Variants in LRMDA observed in about 807,000 individuals in gnomAD.
The protein encoded by LRMDA is leucine-rich melanocyte differentiation-associated protein.
A neutral mutation model predicts 29.8 loss-of-function variants in LRMDA; 18 were observed. The ratio of observed to expected loss-of-function variants is 0.60; its 90% CI spans 0.42 to 0.90. The LOEUF (loss-of-function observed/expected upper bound fraction) is 0.90, where lower values mean the gene tolerates loss of function less well. Among genes scored for constraint, LRMDA ranks in the 40% least tolerant of loss-of-function variants. The pLI is 0.00. For synonymous variants in LRMDA, 125 were observed against 109.4 expected, an observed-to-expected ratio of 1.14 and a Z score of -0.89; for missense variants, 273 against 273.9, an observed-to-expected ratio of 1.00 and a Z score of 0.02.
In LRMDA at chr10:76,245,631, T is replaced by C. The variant is rs574756730; in HGVS notation, c.517-78770T>C. On this transcript the variant is annotated intron_variant, in intron 5 of 6. Coordinates refer to ENST00000611255, the MANE Select transcript of LRMDA (RefSeq NM_001305581.2). ...ACCCACATTTTATACATTATAAACC[T>C]GAGGCTTGGAGGTGTTAGGTAAGTT... 5.3e-5 allele frequency among the ~76,000 whole-genome samples: 8 copies of C among 152,338 alleles called. No individual in the cohort carries two copies. In the South Asian group the frequency reaches 1.7e-3, roughly 32 times the overall value.
At chr10:75,912,030 G>A (rs12267151) in intron 2 of LRMDA, among the ~76,000 whole-genome samples, 16,262 of 152,144 alleles carry the variant, frequency 0.11, 985 homozygotes, top group East Asian at 0.24. Context: ...GCAGGAGTTG[G>A]TGGATTAAAA....
intron 6 of LRMDA, among the ~76,000 whole-genome samples, chr10:76,400,532 A>G (rs1417018129): frequency 6.6e-6 from 1 of 152,232 alleles, no homozygotes; most frequent in Non-Finnish European, 1.5e-5. Context: ...CAGTGTCTTC[A>G]TGATTCTTTG....
intron 5 of LRMDA, among the ~76,000 whole-genome samples, chr10:76,135,732 C>G (rs1447228340): frequency 1.3e-5 from 2 of 151,846 alleles, no homozygotes; most frequent in Non-Finnish European, 2.9e-5. Flanking sequence ...ACCTTGTCTT[C>G]CCTCTATGGA....
At chr10:76,186,228 G>C (rs1589367993) in intron 5 of LRMDA, among the ~76,000 whole-genome samples, 1 of 152,192 alleles carries the variant, frequency 6.6e-6, no homozygotes, top group African/African-American at 2.4e-5. Context: ...CAGATGGGCG[G>C]CCTGGAAGGC....
At chr10:75,855,271 G>A (rs1372078465) in intron 2 of LRMDA, among the ~76,000 whole-genome samples, 1 of 152,112 alleles carries the variant, frequency 6.6e-6, no homozygotes, top group African/African-American at 2.4e-5. Flanking sequence ...GAACTGGTGT[G>A]AGATGGTATC....
At chr10:75,844,675 C>T (rs75424700) in intron 2 of LRMDA, among the ~76,000 whole-genome samples, 4,950 of 152,284 alleles carry the variant, frequency 0.033, 100 homozygotes, top group Non-Finnish European at 0.051. Flanking sequence ...CCCCTTAGGT[C>T]GCACTACTCT....
intron 2 of LRMDA, among the ~76,000 whole-genome samples, chr10:75,483,399 C>G (rs1436636345): frequency 6.6e-6 from 1 of 152,036 alleles, no homozygotes; most frequent in Non-Finnish European, 1.5e-5. Flanking sequence ...GCTGAGTTGA[C>G]AAAAATACCC....
intron 6 of LRMDA, among the ~76,000 whole-genome samples, chr10:76,460,086 T>A (rs1045534810): frequency 2.0e-5 from 3 of 152,176 alleles, no homozygotes; most frequent in African/African-American, 7.2e-5. Context: ...TCATAATGTG[T>A]CCCCTATTTA....
At chr10:75,876,049 T>C (rs1297734046) in intron 2 of LRMDA, among the ~76,000 whole-genome samples, 2 of 151,982 alleles carry the variant, frequency 1.3e-5, no homozygotes, top group Non-Finnish European at 2.9e-5. Context: ...AGATCAGTGA[T>C]TGGACCCTGG....
At chr10:75,762,906 G>A (rs1324633443) in intron 2 of LRMDA, among the ~76,000 whole-genome samples, 1 of 152,108 alleles carries the variant, frequency 6.6e-6, no homozygotes, top group Non-Finnish European at 1.5e-5. Context: ...TGCCAGTGGG[G>A]CACCATTTTA....
intron 5 of LRMDA, among the ~76,000 whole-genome samples, chr10:76,229,264 C>T (rs1852016540): frequency 6.6e-6 from 1 of 152,146 alleles, no homozygotes; most frequent in Non-Finnish European, 1.5e-5. Context: ...AGGCATGGGG[C>T]ATCACAAGAG....
rs367916487 is a variant in LRMDA at position 76,036,229 on chromosome 10, G to A, written c.258+95G>A. On this transcript the variant is annotated intron_variant, in intron 3 of 6. Transcript: ENST00000611255. ...CACAAATACCTGCAAAATGTCAAATGAGTTTTACGTGTCAGCTAAATTAAA... is the reference window on the plus strand; with the variant it reads ...CACAAATACCTGCAAAATGTCAAATAAGTTTTACGTGTCAGCTAAATTAAA... The A allele has an allele frequency of 1.3e-3, 1,624 of 1,249,794 alleles. 3 individuals are homozygous for A. Among genetic ancestry groups the A allele is most frequent in the Middle Eastern group, 3.3e-3 (12 of 3,586 alleles). 77.4% of individuals were successfully genotyped at this position (1,249,794 alleles called of 1,614,324 possible). A position where few individuals can be genotyped will look rare whatever the true frequency, so the allele number is the denominator to read the frequency against.
Position 75,865,723 on chromosome 10 carries a change from A to G in LRMDA, c.132-170285A>G, listed in dbSNP as rs150573516. Among the ~76,000 whole-genome samples the G allele has an allele frequency of 4.9e-3, 746 of 152,158 alleles. 3 individuals are homozygous for G. Among genetic ancestry groups the G allele is most frequent in the Non-Finnish European group, 8.2e-3 (556 of 68,004 alleles). ...TCTAAAAATGTTCCCTTCTCCTGCC[A>G]TTTGACTTATATGGAGGAATAATTT... On this transcript the variant is annotated intron_variant, in intron 2 of 6. Transcript: ENST00000611255.
At chr10:76,138,059 C>T (rs537380201) in intron 5 of LRMDA, among the ~76,000 whole-genome samples, 1 of 152,202 alleles carries the variant, frequency 6.6e-6, no homozygotes, top group South Asian at 2.1e-4. Flanking sequence ...CATTTTTTAC[C>T]TTATAATTCC....
chr10:75,592,382 C>T (rs748079952), intron 2 of LRMDA, among the ~76,000 whole-genome samples: 27 of 152,160 alleles, frequency 1.8e-4, no homozygotes, highest in Non-Finnish European at 3.4e-4. Flanking sequence ...AGGAGTCAAA[C>T]CTCATCTGCT....
chr10:75,934,167 T>C (rs1048605688), intron 2 of LRMDA, among the ~76,000 whole-genome samples: 1 of 152,190 alleles, frequency 6.6e-6, no homozygotes, highest in Non-Finnish European at 1.5e-5. Context: ...GAAAGTGAAA[T>C]ATGAGTGAAT....
At chr10:76,530,302 T>C (rs938920752) in intron 6 of LRMDA, among the ~76,000 whole-genome samples, 6 of 152,242 alleles carry the variant, frequency 3.9e-5, no homozygotes, top group Non-Finnish European at 5.9e-5. Flanking sequence ...CTGAGGAATA[T>C]AGGAAGAGAA....
intron 2 of LRMDA, among the ~76,000 whole-genome samples, chr10:75,799,175 A>G (rs567918407): frequency 2.0e-5 from 3 of 152,298 alleles, no homozygotes; most frequent in South Asian, 2.1e-4. Context: ...TTTAACCACA[A>G]TTGTGGATTT....
At chr10:75,535,560 T>G (rs1839935881) in intron 2 of LRMDA, among the ~76,000 whole-genome samples, 1 of 152,128 alleles carries the variant, frequency 6.6e-6, no homozygotes, top group Admixed American at 6.5e-5. Context: ...TAGTGCATTT[T>G]GGGGCAGACA....
Sources: gnomAD v4.1 joint callset for allele counts (sites outside exome capture counted in the v4.1 genomes callset) on GRCh38, gnomAD v4.1.1 for gene constraint, MANE v1.5 for transcripts, NCBI Gene and HGNC (gene_info 2026-07-23, HGNC 2026-07-21) for gene names.